PAK1: variants seen among roughly 807,000 people sequenced by gnomAD.
PAK1 encodes serine/threonine-protein kinase PAK 1.
A neutral mutation model predicts 67.4 loss-of-function variants in PAK1; 29 were observed. The observed-to-expected ratio is 0.43, with a 90% CI of 0.32 to 0.59. PAK1 has a LOEUF of 0.59. Among genes scored for constraint, PAK1 ranks in the 20% least tolerant of loss-of-function variants. The pLI is 0.07. For missense variants in PAK1, 337 were observed against 670.7 expected (o/e 0.50, Z 5.50); for synonymous variants, 223 against 237.4 (o/e 0.94, Z 0.56).
the PAK1 span, among the ~76,000 whole-genome samples, chr11:77,497,160 C>T: frequency 6.6e-6 from 1 of 152,090 alleles, no homozygotes; most frequent in African/African-American, 2.4e-5. Context: ...GCGAACATCT[C>T]CAAGTCCAGG....
At chr11:77,440,559 A>AG (rs1355928817) in intron 1 of PAK1, among the ~76,000 whole-genome samples, 2 of 152,226 alleles carry the variant, frequency 1.3e-5, no homozygotes, top group Admixed American at 6.5e-5. Flanking sequence ...ACAGGTAAAT[A>AG]GAAAACCTGG....
chr11:77,344,566 G>A (rs1565594431), intron 9 of PAK1, among the ~76,000 whole-genome samples: 3 of 152,072 alleles, frequency 2.0e-5, no homozygotes. Flanking sequence ...CTATGTGTAA[G>A]GTACTATTAT....
chr11:77,437,612 C>G (rs892949299), intron 1 of PAK1, among the ~76,000 whole-genome samples: 1 of 152,046 alleles, frequency 6.6e-6, no homozygotes, highest in Admixed American at 6.6e-5. Context: ...TAGCCACTAC[C>G]GGCATCTAGC....
chr11:77,377,319 A>G (rs185754229), intron 4 of PAK1, among the ~76,000 whole-genome samples: 22 of 152,328 alleles, frequency 1.4e-4, no homozygotes, highest in Admixed American at 1.4e-3. Context: ...CTAATAGTAT[A>G]AGAGGATGGT....
the PAK1 span, among the ~76,000 whole-genome samples, chr11:77,509,265 T>TAAATA: frequency 6.6e-6 from 1 of 151,210 alleles, no homozygotes; most frequent in Non-Finnish European, 1.5e-5. Context: ...CTCAAAAAAA[T>TAAATA]AAATAAAATA....
intron 1 of PAK1, chr11:77,455,850 G>A (rs1281416128): frequency 6.6e-6 from 1 of 152,018 alleles, no homozygotes; most frequent in East Asian, 1.9e-4. Context: ...CCTCCATGAA[G>A]AGATTTACAA....
chr11:77,334,211 C>T (rs1237490), intron 13 of PAK1, among the ~76,000 whole-genome samples: 68,517 of 151,732 alleles, frequency 0.45, 18,429 homozygotes, highest in African/African-American at 0.77. Flanking sequence ...AAAAAATATG[C>T]CTATGTCTAG....
chr11:77,345,339 C>CA (rs5792763), intron 9 of PAK1, among the ~76,000 whole-genome samples: 99,753 of 149,496 alleles, frequency 0.67, 33,696 homozygotes, highest in African/African-American at 0.79. Context: ...TAAATAAAAA[C>CA]AAAAAAAAAA....
intron 1 of PAK1, among the ~76,000 whole-genome samples, chr11:77,452,132 C>G (rs1331179659): frequency 1.3e-5 from 2 of 152,198 alleles, no homozygotes; most frequent in Non-Finnish European, 2.9e-5. Context: ...AAATTGGCCA[C>G]GTCCACTTTA....
chr11:77,337,861 T>C (rs375839621), intron 11 of PAK1, among the ~76,000 whole-genome samples: 1 of 152,158 alleles, frequency 6.6e-6, no homozygotes, highest in South Asian at 2.1e-4. Flanking sequence ...AGGATAATCT[T>C]ATTTTGGTGA....
chr11:77,479,224 A>G (rs1958092511), upstream of PAK1, among the ~76,000 whole-genome samples: 1 of 152,272 alleles, frequency 6.6e-6, no homozygotes, highest in East Asian at 1.9e-4. Context: ...GCTTCAAGGA[A>G]ATGAATTTTG....
At chr11:77,512,585 A>G in the PAK1 span, among the ~76,000 whole-genome samples, 1 of 152,134 alleles carries the variant, frequency 6.6e-6, no homozygotes, top group Non-Finnish European at 1.5e-5. Context: ...TCCTTTTTTA[A>G]GGAAGATTCC....
At chr11:77,520,774 G>T in the PAK1 span, among the ~76,000 whole-genome samples, 4 of 152,126 alleles carry the variant, frequency 2.6e-5, no homozygotes, top group Non-Finnish European at 4.4e-5. Flanking sequence ...AAGATGAATG[G>T]CTACTCATCT....
In PAK1 at chr11:77,333,966, C is replaced by T. The variant is rs186261758; in HGVS notation, c.1414-1099G>A. 5.0e-4 allele frequency among the ~76,000 whole-genome samples: 76 copies of T among 151,856 alleles called. 1 individual carries two copies. The highest frequency in any genetic ancestry group is 1.8e-3 in the African/African-American group (73 of 41,392). Reference sequence around the variant, plus strand: ...CCTGAGGTCAGGAGTTCGAGACCATCGAGAACAGCCTGACCAATATGGCGA... The same window carrying T: ...CCTGAGGTCAGGAGTTCGAGACCATTGAGAACAGCCTGACCAATATGGCGA... On this transcript the variant is annotated intron_variant, in intron 13 of 14. Transcript: ENST00000356341.
intron 5 of PAK1, among the ~76,000 whole-genome samples, chr11:77,371,468 TA>T (rs1948416078): frequency 6.6e-6 from 1 of 152,208 alleles, no homozygotes; most frequent in Non-Finnish European, 1.5e-5. Flanking sequence ...AAGAAGATAC[TA>T]AGTCAATATT....
the PAK1 span, among the ~76,000 whole-genome samples, chr11:77,479,670 C>T: frequency 0.039 from 5,115 of 131,172 alleles, 321 homozygotes; most frequent in African/African-American, 0.14. Context: ...TGCAGTGGTA[C>T]GATATCGGCT....
intron 1 of PAK1, among the ~76,000 whole-genome samples, chr11:77,467,575 G>A (rs938735345): frequency 2.0e-5 from 3 of 152,152 alleles, no homozygotes; most frequent in African/African-American, 7.2e-5. Context: ...TTGCATATCA[G>A]AATCACCTAT....
chr11:77,431,467 T>C (rs772815337), intron 1 of PAK1, among the ~76,000 whole-genome samples: 44 of 152,294 alleles, frequency 2.9e-4, no homozygotes, highest in Non-Finnish European at 5.7e-4. Flanking sequence ...GTACTCCTAA[T>C]ACCCTCTTCA....
intron 13 of PAK1, among the ~76,000 whole-genome samples, chr11:77,333,404 G>C (rs1205628333): frequency 6.6e-6 from 1 of 151,978 alleles, no homozygotes; most frequent in African/African-American, 2.4e-5. Context: ...TACCATGTTG[G>C]CCTGGCTGGT....
Sources: allele counts gnomAD v4.1 joint callset (sites outside exome capture counted in the v4.1 genomes callset), GRCh38; gene constraint gnomAD v4.1.1; transcripts MANE v1.5; gene names NCBI Gene and HGNC (gene_info 2026-07-23, HGNC 2026-07-21).